The following RBFOX3 variants were observed in gnomAD, a reference collection of about 807,000 sequenced individuals.
RBFOX3 encodes RNA binding protein fox-1 homolog 3.
In RBFOX3, 17 loss-of-function variants were observed where a neutral mutation model predicts 48.7. The observed-to-expected ratio is 0.35, with a 90% CI of 0.24 to 0.52. The LOEUF is 0.52. Ranked by LOEUF, RBFOX3 falls within the 20% of genes least tolerant of loss-of-function variation. The pLI is 0.94. For synonymous variants in RBFOX3, 212 were observed against 209.5 expected, an observed-to-expected ratio of 1.01 and a Z score of -0.10; for missense variants, 382 against 497.5, an observed-to-expected ratio of 0.77 and a Z score of 2.21.
chr17:79,143,373 C>T (rs1262054345), intron 4 of RBFOX3, among the ~76,000 whole-genome samples: 1 of 7,972 alleles, frequency 1.3e-4, no homozygotes, highest in Non-Finnish European at 2.8e-4. Context: ...GTTGGTGGAG[C>T]GGGGGGTGGG....
At chr17:79,174,380 C>T (rs1263595632) in intron 4 of RBFOX3, among the ~76,000 whole-genome samples, 1 of 151,250 alleles carries the variant, frequency 6.6e-6, no homozygotes, top group Non-Finnish European at 1.5e-5. Flanking sequence ...CGCACACACA[C>T]ACATCCACAA....
chr17:79,265,602 C>T (rs767896273), intron 3 of RBFOX3, among the ~76,000 whole-genome samples: 1 of 152,166 alleles, frequency 6.6e-6, no homozygotes, highest in South Asian at 2.1e-4. Context: ...CCTGGGCACG[C>T]GGGTCTGTAA....
At chr17:79,160,540 C>T (rs73999901) in intron 4 of RBFOX3, among the ~76,000 whole-genome samples, 17,710 of 152,262 alleles carry the variant, frequency 0.12, 1,048 homozygotes, top group African/African-American at 0.14. Flanking sequence ...CGAGCTCACC[C>T]TGGAGCAGGC....
chr17:79,215,616 G>A lies in RBFOX3; in HGVS notation c.-34+20150C>T, dbSNP rs867674387. Among the ~76,000 whole-genome samples, 35 of 152,302 alleles carry A rather than the reference G, an allele frequency of 2.3e-4. 1 individual carries two copies. Among genetic ancestry groups the A allele is most frequent in the South Asian group, 2.1e-4 (1 of 4,828 alleles). On this transcript the variant is annotated intron_variant, in intron 4 of 14. Coordinates refer to ENST00000693108, the MANE Select transcript of RBFOX3 (RefSeq NM_001350451.2). ...GGTAAGACAGGCACCCCTGGTGTGCGGGGACTCACAGAAGATGGAAGGGCA... is the reference window on the plus strand; with the variant it reads ...GGTAAGACAGGCACCCCTGGTGTGCAGGGACTCACAGAAGATGGAAGGGCA...
intron 4 of RBFOX3, among the ~76,000 whole-genome samples, chr17:79,155,532 T>A (rs2045577489): frequency 6.6e-6 from 1 of 152,202 alleles, no homozygotes; most frequent in Non-Finnish European, 1.5e-5. Flanking sequence ...TTTCAGAGTA[T>A]TATGAAATGG....
intron 14 of RBFOX3, chr17:79,092,743 C>A: frequency 1.6e-6 from 1 of 607,938 alleles, no homozygotes; most frequent in Non-Finnish European, 2.1e-6. Context: ...GAGAAATAGC[C>A]AAGTCTCGAT....
At chr17:79,597,460 C>T (rs1178602384) in intron 1 of RBFOX3, among the ~76,000 whole-genome samples, 1 of 152,194 alleles carries the variant, frequency 6.6e-6, no homozygotes, top group Admixed American at 6.5e-5. Context: ...CAAGAATGAG[C>T]CCTCTGCCGT....
At chr17:79,337,119 A>G (rs1038129589) in intron 2 of RBFOX3, among the ~76,000 whole-genome samples, 4 of 152,124 alleles carry the variant, frequency 2.6e-5, no homozygotes, top group African/African-American at 7.2e-5. Flanking sequence ...CTCCATCTCA[A>G]AAAATAAAAA....
chr17:79,263,798 G>A (rs1206125060), intron 3 of RBFOX3, among the ~76,000 whole-genome samples: 10 of 152,190 alleles, frequency 6.6e-5, no homozygotes, highest in Admixed American at 3.3e-4. Flanking sequence ...AAGAAGGTAT[G>A]TCCAGTCCTA....
At chr17:79,444,083 A>G (rs797023507) in intron 2 of RBFOX3, among the ~76,000 whole-genome samples, 44 of 152,328 alleles carry the variant, frequency 2.9e-4, no homozygotes, top group African/African-American at 1.1e-3. Context: ...CAGGGTGGCT[A>G]CATGGAGGTC....
intron 14 of RBFOX3, chr17:79,092,234 T>C: frequency 1.0e-6 from 1 of 985,532 alleles, no homozygotes; most frequent in Non-Finnish European, 1.2e-6. Flanking sequence ...CATAGGGCGC[T>C]ACCGCTACTC....
At chr17:79,544,112 G>GGC (rs2090080822) in intron 1 of RBFOX3, among the ~76,000 whole-genome samples, 1 of 152,218 alleles carries the variant, frequency 6.6e-6, no homozygotes, top group African/African-American at 2.4e-5. Flanking sequence ...TCCTCACAGT[G>GGC]ACCCTATGAG....
At chr17:79,316,562 CA>C (rs1271446332) in intron 2 of RBFOX3, among the ~76,000 whole-genome samples, 1 of 152,206 alleles carries the variant, frequency 6.6e-6, no homozygotes, top group Admixed American at 6.5e-5. Flanking sequence ...AGGTCTTGAG[CA>C]AAATGAGGAG....
intron 2 of RBFOX3, among the ~76,000 whole-genome samples, chr17:79,322,691 C>A (rs900018679): frequency 6.6e-6 from 1 of 152,136 alleles, no homozygotes; most frequent in African/African-American, 2.4e-5. Flanking sequence ...GAGGACGGAC[C>A]AAGCAGCTTC....
At chr17:79,465,105 C>T (rs1342567282) in intron 2 of RBFOX3, among the ~76,000 whole-genome samples, 2 of 152,180 alleles carry the variant, frequency 1.3e-5, no homozygotes, top group Admixed American at 6.5e-5. Flanking sequence ...TCTGACTTCT[C>T]TCCACCTCCC....
chr17:79,478,009 C>G (rs975970891), intron 2 of RBFOX3, among the ~76,000 whole-genome samples: 1 of 152,174 alleles, frequency 6.6e-6, no homozygotes, highest in African/African-American at 2.4e-5. Flanking sequence ...CTGGGAGCAA[C>G]GTCCCATCCG....
intron 1 of RBFOX3, among the ~76,000 whole-genome samples, chr17:79,578,554 C>T (rs932915800): frequency 3.9e-5 from 6 of 152,240 alleles, no homozygotes; most frequent in African/African-American, 1.4e-4. Flanking sequence ...CTGGACGGGC[C>T]GGCCATCCTG....
the RBFOX3 span, among the ~76,000 whole-genome samples, chr17:79,624,540 C>T: frequency 6.6e-6 from 1 of 152,206 alleles, no homozygotes; most frequent in Non-Finnish European, 1.5e-5. Context: ...CCACAGAGCC[C>T]TCTCAGAGAC....
At chr17:79,216,609 G>A (rs2147276067) in intron 4 of RBFOX3, among the ~76,000 whole-genome samples, 1 of 152,308 alleles carries the variant, frequency 6.6e-6, no homozygotes, top group African/African-American at 2.4e-5. Context: ...AGGCCCCACG[G>A]CTGGTGTGGG....
Sources: gnomAD v4.1 joint callset for allele counts (sites outside exome capture counted in the v4.1 genomes callset) on GRCh38, gnomAD v4.1.1 for gene constraint, MANE v1.5 for transcripts, NCBI Gene and HGNC (gene_info 2026-07-23, HGNC 2026-07-21) for gene names.